CRPPA: variants seen among roughly 807,000 people sequenced by gnomAD.
CRPPA encodes D-ribitol-5-phosphate cytidylyltransferase.
A neutral mutation model predicts 52.0 loss-of-function variants in CRPPA; 43 were observed. The observed-to-expected ratio is 0.83, with a 90% CI of 0.65 to 1.07. The LOEUF (loss-of-function observed/expected upper bound fraction) is 1.07. Among genes scored for constraint, CRPPA ranks in the 50% least tolerant of loss-of-function variants. The pLI, the probability that CRPPA is intolerant of heterozygous loss-of-function variation, is 0.00. For missense variants in CRPPA, 629 were observed against 551.7 expected (o/e 1.14, Z -1.40); for synonymous variants, 250 against 203.5 (o/e 1.23, Z -1.94).
At position 16,421,295 on chromosome 7, in the gene CRPPA, T is replaced by A. The variant is rs886044165; in HGVS notation, c.28A>T (p.Arg10Trp). ...AGGCAAGGACCCGGCTCCGCCGGCC[T>A]GGCGCTGCCCGGCGGCCCGGCCTCC... Reference protein sequence around the residue: MEAGPPGSARPAEPGPCLSG... With the variant: MEAGPPGSAWPAEPGPCLSG... Residue 10 changes from arginine (R) to tryptophan (W), a missense_variant, in exon 1 of 10, where the codon AGG becomes TGG. Transcript: ENST00000407010. 2 of 1,267,838 alleles carry A rather than the reference T, an allele frequency of 1.6e-6. No homozygotes were observed. The highest frequency in any genetic ancestry group is 3.1e-5 in the African/African-American group (2 of 63,978). 78.5% of individuals were successfully genotyped at this position (1,267,838 alleles called of 1,614,324 possible). A position where few individuals can be genotyped will look rare whatever the true frequency, so the allele number is the denominator to read the frequency against.
At chr7:16,129,151 T>C (rs1362091975) in intron 9 of CRPPA, among the ~76,000 whole-genome samples, 1 of 152,158 alleles carries the variant, frequency 6.6e-6, no homozygotes, top group African/African-American at 2.4e-5. Flanking sequence ...ATGCTCTCCC[T>C]TTCTCTCATC....
intron 9 of CRPPA, among the ~76,000 whole-genome samples, chr7:16,110,045 A>G (rs1455700035): frequency 6.6e-6 from 1 of 152,074 alleles, no homozygotes; most frequent in African/African-American, 2.4e-5. Context: ...ATATATATAG[A>G]AAGCTGTTAA....
At chr7:16,241,010 T>C (rs1200642899) in intron 8 of CRPPA, among the ~76,000 whole-genome samples, 2 of 152,168 alleles carry the variant, frequency 1.3e-5, no homozygotes, top group Non-Finnish European at 2.9e-5. Context: ...TCCATGCTAT[T>C]ACTTAGCACA....
At chr7:16,229,859 A>G (rs1013990029) in intron 8 of CRPPA, among the ~76,000 whole-genome samples, 6 of 152,002 alleles carry the variant, frequency 3.9e-5, no homozygotes, top group African/African-American at 1.4e-4. Flanking sequence ...TTTGTCCAGG[A>G]AAGTATTCAT....
chr7:16,381,810 C>T (rs1028359308), intron 2 of CRPPA, among the ~76,000 whole-genome samples: 11 of 152,004 alleles, frequency 7.2e-5, no homozygotes, highest in African/African-American at 2.4e-4. Flanking sequence ...ACTAGGATTG[C>T]AACCCCTGCC....
chr7:16,375,043 GA>G (rs1487309902), intron 3 of CRPPA, among the ~76,000 whole-genome samples: 4 of 152,144 alleles, frequency 2.6e-5, no homozygotes, highest in African/African-American at 9.7e-5. Context: ...ACATTTAACA[GA>G]ATGGCAATTA....
At chr7:16,108,873 A>G (rs866521651) in intron 9 of CRPPA, among the ~76,000 whole-genome samples, 1 of 151,936 alleles carries the variant, frequency 6.6e-6, no homozygotes, top group African/African-American at 2.4e-5. Context: ...ATGAATCAAT[A>G]AAGAAAAGAA....
rs3085030 is a variant in CRPPA, at chr7:16,414,350, A to AACACACAC, written c.257+6708_257+6715dup. On this transcript the variant is annotated intron_variant, in intron 1 of 9. Coordinates refer to ENST00000407010, the MANE Select transcript of CRPPA (RefSeq NM_001101426.4). The stretch of plus-strand genomic sequence containing the variant: ...TCCAGGTTGACCACCCCCCTACCCC[A>AACACACAC]ACACACACACACACACACACACACA... Among the ~76,000 whole-genome samples the AACACACAC allele has an allele frequency of 7.3e-3, 1,019 of 138,726 alleles. 12 individuals carry two copies. Among genetic ancestry groups the AACACACAC allele is most frequent in the Non-Finnish European group, 0.013 (792 of 62,942 alleles). The allele number at this position is 138,726 out of a possible 152,430, so 91.0% of individuals were successfully genotyped here.
chr7:16,122,786 T>A (rs1782503394), intron 9 of CRPPA, among the ~76,000 whole-genome samples: 1 of 152,058 alleles, frequency 6.6e-6, no homozygotes, highest in South Asian at 2.1e-4. Context: ...TGGGAGAAGT[T>A]TGTCTAATTG....
chr7:16,244,716 TAAATGTCTAATAGCCAC>T (rs376480557), intron 8 of CRPPA, among the ~76,000 whole-genome samples: 3 of 152,180 alleles, frequency 2.0e-5, no homozygotes, highest in African/African-American at 7.2e-5. Flanking sequence ...AAAAGCCTCA[TAAATGTCTAATAGCCAC>T]AATTTTACTT....
chr7:16,335,040 C>T (rs937747677), intron 3 of CRPPA, among the ~76,000 whole-genome samples: 2 of 150,894 alleles, frequency 1.3e-5, no homozygotes, highest in Non-Finnish European at 2.9e-5. Flanking sequence ...GACGTTCAGG[C>T]CAGGTGAAGT....
chr7:16,152,364 A>G (rs1783092763), intron 9 of CRPPA, among the ~76,000 whole-genome samples: 1 of 151,954 alleles, frequency 6.6e-6, no homozygotes, highest in African/African-American at 2.4e-5. Flanking sequence ...TTAATAGAAA[A>G]AAACAGTAAT....
At chr7:16,255,529 T>C (rs1024604746) in intron 8 of CRPPA, among the ~76,000 whole-genome samples, 1 of 152,210 alleles carries the variant, frequency 6.6e-6, no homozygotes, top group African/African-American at 2.4e-5. Flanking sequence ...TCACGCTACC[T>C]GACTTCAAAC....
chr7:16,287,741 G>A (rs561640172), intron 5 of CRPPA, among the ~76,000 whole-genome samples: 2 of 152,234 alleles, frequency 1.3e-5, no homozygotes, highest in East Asian at 3.9e-4. Flanking sequence ...GGCCAATATG[G>A]CAAAACCCTG....
At position 16,188,821 on chromosome 7, in the gene CRPPA, G is replaced by C. The variant is rs1318865521; in HGVS notation, c.1251+27245C>G. Among the ~76,000 whole-genome samples, 4 of 152,138 alleles carry C rather than the reference G, an allele frequency of 2.6e-5. No homozygotes were observed. In the East Asian group the frequency reaches 7.7e-4, roughly 29 times the overall value. ...TACAATAATTTGAAGAGCAGCATGGGAACTCTGTCATCATTCCAATCCAAA... is the reference window on the plus strand; with the variant it reads ...TACAATAATTTGAAGAGCAGCATGGCAACTCTGTCATCATTCCAATCCAAA... On this transcript the variant is annotated intron_variant, in intron 9 of 9. Transcript: ENST00000407010.
chr7:16,179,979 A>G (rs907063576), intron 9 of CRPPA, among the ~76,000 whole-genome samples: 1 of 152,184 alleles, frequency 6.6e-6, no homozygotes, highest in Non-Finnish European at 1.5e-5. Flanking sequence ...AGCATCAGCA[A>G]TAACATCATA....
At chr7:16,360,842 C>G (rs1786424296) in intron 3 of CRPPA, among the ~76,000 whole-genome samples, 1 of 151,964 alleles carries the variant, frequency 6.6e-6, no homozygotes, top group Admixed American at 6.6e-5. Flanking sequence ...GGATATAACA[C>G]CAAAAGCATA....
intron 9 of CRPPA, among the ~76,000 whole-genome samples, chr7:16,116,674 A>AGGG: frequency 8.3e-6 from 1 of 120,672 alleles, no homozygotes; most frequent in African/African-American, 2.7e-5. Context: ...AAAAAAAAAA[A>AGGG]AGGAAAGGAA....
At position 16,286,074 on chromosome 7, in the gene CRPPA, TATA is replaced by T. The variant is rs1583492668; in HGVS notation, c.836-7851_836-7849del. Among the ~76,000 whole-genome samples, 10 of 18,698 alleles carry T rather than the reference TATA, an allele frequency of 5.3e-4. No individual in the cohort carries two copies. In the East Asian group the frequency reaches 6.2e-3, roughly 12 times the overall value. The allele number at this position is 18,698 out of a possible 152,430, so 12.3% of individuals were successfully genotyped here. ...ATATATATATATATATATATATATATATATATAATATTTAAAAAAAAAAATATA... is the reference window on the plus strand; with the variant it reads ...ATATATATATATATATATATATATATTATAATATTTAAAAAAAAAAATATA... On this transcript the variant is annotated intron_variant, in intron 5 of 9. Coordinates refer to ENST00000407010, the MANE Select transcript of CRPPA (RefSeq NM_001101426.4).
Sources: gnomAD v4.1 joint callset for allele counts (sites outside exome capture counted in the v4.1 genomes callset) on GRCh38, gnomAD v4.1.1 for gene constraint, MANE v1.5 for transcripts, NCBI Gene and HGNC (gene_info 2026-07-23, HGNC 2026-07-21) for gene names.